The following ALPK1 variants were observed in gnomAD, a reference collection of about 807,000 sequenced individuals.
The protein encoded by ALPK1 is alpha-protein kinase 1.
Under a neutral mutation model 120.6 loss-of-function variants are expected in ALPK1, and 110 were observed. The observed-to-expected ratio is 0.91, with a 90% CI of 0.78 to 1.07. ALPK1 has a LOEUF of 1.07. Ranked by LOEUF, ALPK1 falls within the 50% of genes least tolerant of loss-of-function variation. ALPK1 has a pLI of 0.00. For missense variants in ALPK1, 1,498 were observed against 1,483.9 expected (o/e 1.01, Z -0.16); for synonymous variants, 582 against 560.3 (o/e 1.04, Z -0.55).
At chr4:112,313,203 C>T in intron 1 of ALPK1, among the ~76,000 whole-genome samples, 1 of 152,044 alleles carries the variant, frequency 6.6e-6, no homozygotes, top group Non-Finnish European at 1.5e-5. Flanking sequence ...AATGAAGTCA[C>T]CGAGGAATAG....
At chr4:112,381,488 C>CAT (rs1446371582) in intron 3 of ALPK1, among the ~76,000 whole-genome samples, 3 of 152,024 alleles carry the variant, frequency 2.0e-5, no homozygotes, top group Admixed American at 1.3e-4. Context: ...TGTACGGGTC[C>CAT]ATATATATAT....
At chr4:112,435,083 G>C (rs1205820859) in intron 11 of ALPK1, 65 bp from the exon 12 acceptor site, 14 of 1,521,652 alleles carry the variant, frequency 9.2e-6, no homozygotes, top group Non-Finnish European at 1.3e-5. Flanking sequence ...TGTCACATCA[G>C]CTTTATTCAT....
intron 1 of ALPK1, among the ~76,000 whole-genome samples, chr4:112,299,353 G>GT (rs1727687992): frequency 6.6e-6 from 1 of 152,048 alleles, no homozygotes; most frequent in South Asian, 2.1e-4. Flanking sequence ...ATTTTAGGCA[G>GT]TACATGTCTA....
intron 2 of ALPK1, among the ~76,000 whole-genome samples, chr4:112,343,940 C>T (rs990740304): frequency 2.0e-5 from 3 of 152,120 alleles, no homozygotes; most frequent in Non-Finnish European, 2.9e-5. Flanking sequence ...CCTCAGAGGT[C>T]GCAGGCGAGA....
In ALPK1 at chr4:112,387,606, A is replaced by G. The variant is rs951322197; in HGVS notation, c.276+5054A>G. 5.3e-5 allele frequency among the ~76,000 whole-genome samples: 8 copies of G among 152,318 alleles called. No homozygotes were observed. The East Asian group carries it at 1.5e-3, about 29-fold the overall frequency. On this transcript the variant is annotated intron_variant, in intron 4 of 15. Coordinates refer to ENST00000650871, the MANE Select transcript of ALPK1 (RefSeq NM_025144.4). The stretch of plus-strand genomic sequence containing the variant: ...AACTCTACAACCATGAAAAATGGGT[A>G]ATCTGATAGCCCTGATGTTGTAAAT...
At chr4:112,407,353 C>A (rs1263505709) in intron 4 of ALPK1, among the ~76,000 whole-genome samples, 1 of 152,114 alleles carries the variant, frequency 6.6e-6, no homozygotes, top group Non-Finnish European at 1.5e-5. Flanking sequence ...CTGGCTTATG[C>A]CTGTAATGCC....
intron 11 of ALPK1, among the ~76,000 whole-genome samples, chr4:112,433,392 C>A (rs778568097): frequency 6.6e-6 from 1 of 152,204 alleles, no homozygotes; most frequent in Non-Finnish European, 1.5e-5. Flanking sequence ...TATGAGGAAT[C>A]TACCCCTCAG....
chr4:112,431,487 ATC>A lies in ALPK1; in HGVS notation c.1948_1949del (p.Leu650SerfsTer6). On this transcript the variant is annotated frameshift_variant, in exon 11 of 16. Transcript: ENST00000650871. LOFTEE classifies it high-confidence loss of function. Reference sequence around the variant, plus strand: ...CATTCATTGCATTCACAGCTTCATGATCTCTCTCTTCAGGAACCCAACAATGA... The same window carrying A: ...CATTCATTGCATTCACAGCTTCATGATCTCTCTTCAGGAACCCAACAATGA... 1.2e-6 allele frequency: 2 copies of A among 1,614,168 alleles called. No homozygotes were observed. The highest frequency in any genetic ancestry group is 1.7e-6 in the Non-Finnish European group (2 of 1,180,022).
In ALPK1 at chr4:112,423,935, GCTTTT is replaced by G. The variant is rs776989166; in HGVS notation, c.476-7_476-3del. On this transcript the variant is annotated splice_region_variant and splice_polypyrimidine_tract_variant and intron_variant, in intron 5 of 15. Transcript: ENST00000650871. The stretch of plus-strand genomic sequence containing the variant: ...GCTAATTGTGTGGCATTTGGTTGCT[GCTTTT>G]CAGGAAAACTTTTAAAAGCAGAGTA... The G allele has an allele frequency of 3.7e-6, 6 of 1,613,736 alleles. No homozygotes were observed. Among genetic ancestry groups the G allele is most frequent in the Non-Finnish European group, 5.1e-6 (6 of 1,179,948 alleles).
intron 2 of ALPK1, among the ~76,000 whole-genome samples, chr4:112,343,929 A>C (rs986901524): frequency 3.3e-5 from 5 of 152,172 alleles, no homozygotes; most frequent in Admixed American, 1.3e-4. Flanking sequence ...AATCCAGTTT[A>C]CCTCAGAGGT....
rs532319493 is a variant in ALPK1 at position 112,420,448 on chromosome 4, T to G, written c.476-3496T>G. Among the ~76,000 whole-genome samples, 274 of 152,302 alleles carry G rather than the reference T, an allele frequency of 1.8e-3. 2 individuals are homozygous for G. Among genetic ancestry groups the G allele is most frequent in the Non-Finnish European group, 3.2e-3 (216 of 68,024 alleles). ...ACCATTAAGGGTTCAGGTTCAAAGC[T>G]TAAGATCTTATCCTCTGAAGTAGGT... On this transcript the variant is annotated intron_variant, in intron 5 of 15. Coordinates refer to ENST00000650871, the MANE Select transcript of ALPK1 (RefSeq NM_025144.4).
chr4:112,338,923 G>A (rs1729744181), intron 2 of ALPK1, among the ~76,000 whole-genome samples: 1 of 152,170 alleles, frequency 6.6e-6, no homozygotes, highest in Admixed American at 6.5e-5. Context: ...GCTACGTAGT[G>A]GGCAAACCCA....
At chr4:112,314,883 T>TC (rs1192469972) in intron 1 of ALPK1, among the ~76,000 whole-genome samples, 1 of 144,392 alleles carries the variant, frequency 6.9e-6, no homozygotes, top group African/African-American at 2.6e-5. Flanking sequence ...TGCCTTTTTT[T>TC]TTTTTTTTTT....
rs182462080 is a variant in ALPK1 at position 112,405,545 on chromosome 4, A to G, written c.277-6282A>G. Among the ~76,000 whole-genome samples, 414 of 152,182 alleles carry G rather than the reference A, an allele frequency of 2.7e-3. 2 individuals are homozygous for G. The highest frequency in any genetic ancestry group is 7.5e-3 in the South Asian group (36 of 4,812). On this transcript the variant is annotated intron_variant, in intron 4 of 15. Coordinates refer to ENST00000650871, the MANE Select transcript of ALPK1 (RefSeq NM_025144.4). ...AAACCACTGTTTGGACTCAACAGTG[A>G]CTTCAGCCCCAGCTTTAAAGACCCA...
chr4:112,427,034 T>G (rs1173860077), intron 8 of ALPK1, among the ~76,000 whole-genome samples: 1 of 152,248 alleles, frequency 6.6e-6, no homozygotes, highest in Non-Finnish European at 1.5e-5. Flanking sequence ...CTGAAACATC[T>G]GGTTATTACA....
intron 2 of ALPK1, among the ~76,000 whole-genome samples, chr4:112,320,092 T>C (rs558795344): frequency 8.5e-5 from 13 of 152,204 alleles, no homozygotes; most frequent in Non-Finnish European, 1.8e-4. Context: ...TGAATAGAAG[T>C]TGTGAAAGTG....
intron 5 of ALPK1, chr4:112,414,124 G>A: frequency 2.6e-6 from 1 of 389,216 alleles, no homozygotes; most frequent in South Asian, 1.8e-5. Flanking sequence ...CTCAGGCCCA[G>A]CACTTAGGAA....
At chr4:112,304,074 T>C (rs1455291003) in intron 1 of ALPK1, among the ~76,000 whole-genome samples, 4 of 152,350 alleles carry the variant, frequency 2.6e-5, no homozygotes, top group Middle Eastern at 3.4e-3. Flanking sequence ...ATAAAGGACA[T>C]GAACTCATCC....
At chr4:112,328,876 A>C (rs971043145) in intron 2 of ALPK1, among the ~76,000 whole-genome samples, 6 of 152,136 alleles carry the variant, frequency 3.9e-5, no homozygotes, top group Non-Finnish European at 8.8e-5. Flanking sequence ...TAGATTGATG[A>C]CCTTGTACTA....
Sources: allele counts gnomAD v4.1 joint callset (sites outside exome capture counted in the v4.1 genomes callset), GRCh38; gene constraint gnomAD v4.1.1; transcripts MANE v1.5; gene names NCBI Gene and HGNC (gene_info 2026-07-23, HGNC 2026-07-21).